Variants in IGF1R observed in about 807,000 individuals in gnomAD.
IGF1R encodes the protein insulin like growth factor 1 receptor, also known as insulin-like growth factor 1 receptor.
IGF1R carries 44 observed loss-of-function variants against 144.6 expected under a neutral mutation model. The ratio of observed to expected loss-of-function variants is 0.30; its 90% CI spans 0.24 to 0.39. IGF1R has a LOEUF of 0.39. Ranked by LOEUF, IGF1R falls within the 10% of genes least tolerant of loss-of-function variation. IGF1R has a pLI of 1.00. For missense variants in IGF1R, 1,355 were observed against 1,833.7 expected (o/e 0.74, Z 4.77); for synonymous variants, 795 against 722.8 (o/e 1.10, Z -1.60).
At chr15:98,808,208 A>G (rs1400513214) in intron 2 of IGF1R, among the ~76,000 whole-genome samples, 2 of 152,254 alleles carry the variant, frequency 1.3e-5, no homozygotes, top group Non-Finnish European at 2.9e-5. Context: ...TCTTAAAAAT[A>G]AGTTGAAAAT....
chr15:98,923,669 G>A (rs1014490484), intron 11 of IGF1R: 13 of 584,074 alleles, frequency 2.2e-5, no homozygotes, highest in South Asian at 5.8e-5. Context: ...TGAACCCTCC[G>A]CTGTGTGAGC....
intron 1 of IGF1R, among the ~76,000 whole-genome samples, chr15:98,676,823 C>A (rs2141207086): frequency 6.6e-6 from 1 of 152,214 alleles, no homozygotes. Context: ...AGGTTGTATA[C>A]TTTTCCTTTT....
At chr15:98,701,104 G>C (rs906664349) in intron 1 of IGF1R, among the ~76,000 whole-genome samples, 2 of 151,926 alleles carry the variant, frequency 1.3e-5, no homozygotes, top group Non-Finnish European at 2.9e-5. Flanking sequence ...ATTTTAAGAG[G>C]AGTAAAGAAC....
At chr15:98,904,823 G>T (rs2014654955) in intron 5 of IGF1R, among the ~76,000 whole-genome samples, 1 of 152,252 alleles carries the variant, frequency 6.6e-6, no homozygotes, top group Non-Finnish European at 1.5e-5. Context: ...CTCGGGTTCA[G>T]CTCCATTTAT....
chr15:98,709,596 A>G lies in IGF1R; in HGVS notation c.640+1489A>G, dbSNP rs532919935. ...ATTTTTTAAATAACCTTGACATTTA[A>G]AAATTTTATCTGAAAAGTAAAAGGT... On this transcript the variant is annotated intron_variant, in intron 2 of 20. Transcript: ENST00000650285. 2.0e-3 allele frequency among the ~76,000 whole-genome samples: 301 copies of G among 152,388 alleles called. 1 individual carries two copies. The highest frequency in any genetic ancestry group is 7.1e-3 in the African/African-American group (296 of 41,596).
intron 2 of IGF1R, among the ~76,000 whole-genome samples, chr15:98,825,299 C>G (rs1024976280): frequency 3.3e-5 from 5 of 152,204 alleles, no homozygotes; most frequent in African/African-American, 1.2e-4. Context: ...CAACAGATAC[C>G]AAAATCCACA....
Position 98,936,903 on chromosome 15 carries a change from C to T in IGF1R, c.3297+1477C>T, listed in dbSNP as rs562290762. ...TGTGTCTCTGTCACTCTCTTTCTTT[C>T]GAGATGGAGTTTTGCTCTGTTGCCC... On this transcript the variant is annotated intron_variant, in intron 17 of 20. Coordinates refer to ENST00000650285, the MANE Select transcript of IGF1R (RefSeq NM_000875.5). Among the ~76,000 whole-genome samples the T allele has an allele frequency of 5.0e-4, 76 of 152,204 alleles. 2 individuals are homozygous for T. Among genetic ancestry groups the T allele is most frequent in the Middle Eastern group, 3.4e-3 (1 of 294 alleles).
chr15:98,732,377 G>A (rs1445914766), intron 2 of IGF1R, among the ~76,000 whole-genome samples: 2 of 152,204 alleles, frequency 1.3e-5, no homozygotes, highest in Non-Finnish European at 2.9e-5. Context: ...AATGCTGGCG[G>A]AAACCAGTTG....
intron 1 of IGF1R, among the ~76,000 whole-genome samples, chr15:98,653,012 C>T (rs1021626134): frequency 2.0e-5 from 3 of 149,466 alleles, no homozygotes; most frequent in Non-Finnish European, 3.0e-5. Context: ...AAAATTATTA[C>T]ATACATTTGA....
intron 2 of IGF1R, among the ~76,000 whole-genome samples, chr15:98,837,988 G>A (rs2011117123): frequency 6.6e-6 from 1 of 152,152 alleles, no homozygotes; most frequent in South Asian, 2.1e-4. Context: ...GGCTTGCAAA[G>A]CCCATTTGAG....
intron 2 of IGF1R, among the ~76,000 whole-genome samples, chr15:98,853,680 C>T (rs914154736): frequency 6.6e-5 from 10 of 152,146 alleles, no homozygotes; most frequent in African/African-American, 2.4e-4. Flanking sequence ...TTCTGAATTG[C>T]TTTTTGGTTT....
intron 1 of IGF1R, among the ~76,000 whole-genome samples, chr15:98,682,622 A>G (rs571235424): frequency 6.6e-6 from 1 of 152,100 alleles, no homozygotes; most frequent in South Asian, 2.1e-4. Context: ...ATCTCGGCTC[A>G]CTGCAGCCTC....
At chr15:98,915,926 A>T in intron 8 of IGF1R, 38 bp from the exon 9 acceptor site, 1 of 1,605,974 alleles carries the variant, frequency 6.2e-7, no homozygotes. Context: ...TCTTAAGTTC[A>T]TTTCATTTTC....
chr15:98,679,557 T>C (rs1000553050), intron 1 of IGF1R, among the ~76,000 whole-genome samples: 3 of 152,202 alleles, frequency 2.0e-5, no homozygotes, highest in African/African-American at 7.2e-5. Context: ...CGTGTTTGTG[T>C]TGATGCTGGT....
rs1596457099 is a variant in IGF1R at position 98,924,552 on chromosome 15, G to C, written c.2650G>C (p.Glu884Gln). ...TCAGCGAGAATGTGTGTCCAGACAG[G>C]AATACAGGAAGTATGGAGGGGCCAA... ...EDQRECVSRQEYRKYGGAKLN... is the reference protein window; with the variant it reads ...EDQRECVSRQQYRKYGGAKLN... The change falls in exon 13 of 21, where the codon GAA becomes CAA. Residue 884 changes from glutamate (E) to glutamine (Q), a missense_variant. Glu to Gln is a conservative substitution (Grantham distance 29). This residue lies in a region of IGF1R where 880 missense variants were observed against 1,202.7 expected (regional missense o/e 0.73). Coordinates refer to ENST00000650285, the MANE Select transcript of IGF1R (RefSeq NM_000875.5). 1 of 1,614,144 alleles carries C rather than the reference G, an allele frequency of 6.2e-7. No individual in the cohort carries two copies. Among genetic ancestry groups the C allele is most frequent in the Non-Finnish European group, 8.5e-7 (1 of 1,180,002 alleles).
rs2016277592 is a variant in IGF1R at position 98,939,290 on chromosome 15, T to G, written c.3387T>G (p.Asn1129Lys). The G allele has an allele frequency of 6.2e-7, 1 of 1,613,964 alleles. No homozygotes were observed. Among genetic ancestry groups the G allele is most frequent in the African/African-American group, 1.3e-5 (1 of 74,910 alleles). The change falls in exon 18 of 21, where the codon AAT becomes AAG. Residue 1129 changes from asparagine (N) to lysine (K), a missense_variant. Transcript: ENST00000650285. ...ACGGCATGGCATACCTCAACGCCAATAAGTTCGTCCACAGAGACCTTGCTG... is the reference window on the plus strand; with the variant it reads ...ACGGCATGGCATACCTCAACGCCAAGAAGTTCGTCCACAGAGACCTTGCTG... ...IADGMAYLNA[N>K]KFVHRDLAAR... is the part of the protein sequence containing the mutation.
chr15:98,843,174 A>G (rs2011206208), intron 2 of IGF1R, among the ~76,000 whole-genome samples: 2 of 152,234 alleles, frequency 1.3e-5, no homozygotes, highest in Non-Finnish European at 2.9e-5. Context: ...CTGCTGTGCT[A>G]CAATCCTAAC....
rs1177210071 is a variant in IGF1R at position 98,704,414 on chromosome 15, G to C, written c.95-3148G>C. ...CTGTGGGCGGCAGGGTATCACAGAG[G>C]AGGAGCTCGGTGTGTTGGAGGTTGG... On this transcript the variant is annotated intron_variant, in intron 1 of 20. Coordinates refer to ENST00000650285, the MANE Select transcript of IGF1R (RefSeq NM_000875.5). The surrounding 1 kb of genome is among the most constrained non-coding windows in gnomAD (Gnocchi z 4.9). Among the ~76,000 whole-genome samples, 1 of 152,140 alleles carries C rather than the reference G, an allele frequency of 6.6e-6. No homozygotes were observed. The highest frequency in any genetic ancestry group is 6.5e-5 in the Admixed American group (1 of 15,270).
chr15:98,833,704 A>G (rs2057043305), intron 2 of IGF1R, among the ~76,000 whole-genome samples: 1 of 152,226 alleles, frequency 6.6e-6, no homozygotes, highest in African/African-American at 2.4e-5. Context: ...CACATAAATC[A>G]TTCATTTTGC....
Sources: gnomAD v4.1 joint callset for allele counts (sites outside exome capture counted in the v4.1 genomes callset) on GRCh38, gnomAD v4.1.1 for gene constraint, gnomAD v4.1.1 regional missense constraint, Gnocchi (gnomAD v3.1) non-coding constraint, MANE v1.5 for transcripts, NCBI Gene and HGNC (gene_info 2026-07-23, HGNC 2026-07-21) for gene names.